Variants in CCDC7 observed in about 807,000 individuals in gnomAD.
The protein encoded by CCDC7 is coiled-coil domain-containing protein 7.
In CCDC7, 183 loss-of-function variants were observed where a neutral mutation model predicts 196.9. That is an observed-to-expected ratio of 0.93 (90% CI 0.82 to 1.05). The LOEUF (loss-of-function observed/expected upper bound fraction) is 1.05, where lower values mean the gene tolerates loss of function less well. CCDC7 is among the 50% of genes least tolerant of loss of function. The probability of loss-of-function intolerance (pLI) is 0.00; values close to 1 mark genes in which losing one functional copy is unlikely to be tolerated. For missense variants in CCDC7, 1,540 were observed against 1,482.2 expected (o/e 1.04, Z -0.64); for synonymous variants, 525 against 484.6 (o/e 1.08, Z -1.10).
At chr10:32,871,053 T>G (rs185270879) in intron 41 of CCDC7, among the ~76,000 whole-genome samples, 1 of 152,254 alleles carries the variant, frequency 6.6e-6, no homozygotes, top group East Asian at 1.9e-4. Flanking sequence ...GGTCTAAAAT[T>G]CTCTTTTTTT....
At chr10:32,703,645 G>C (rs944162198) in intron 24 of CCDC7, among the ~76,000 whole-genome samples, 3 of 151,998 alleles carry the variant, frequency 2.0e-5, no homozygotes, top group Non-Finnish European at 4.4e-5. Flanking sequence ...TTCACTTTAA[G>C]GTACACCAAT....
At chr10:32,546,838 T>C (rs1589738273) in intron 13 of CCDC7, among the ~76,000 whole-genome samples, 1 of 152,190 alleles carries the variant, frequency 6.6e-6, no homozygotes, top group African/African-American at 2.4e-5. Flanking sequence ...ATTATATGTC[T>C]TGAGAATCCT....
chr10:32,734,426 T>C (rs955686356), intron 28 of CCDC7, among the ~76,000 whole-genome samples: 3 of 151,880 alleles, frequency 2.0e-5, no homozygotes, highest in Non-Finnish European at 2.9e-5. Context: ...CAAAAAACAC[T>C]GGGGTCTACT....
intron 20 of CCDC7, among the ~76,000 whole-genome samples, chr10:32,655,878 GC>G (rs2069735261): frequency 6.6e-6 from 1 of 152,016 alleles, no homozygotes; most frequent in Non-Finnish European, 1.5e-5. Context: ...TATGTATTAG[GC>G]TTTTTGTACA....
At chr10:32,776,369 GT>G (rs5784304) in intron 28 of CCDC7, among the ~76,000 whole-genome samples, 21,123 of 149,200 alleles carry the variant, frequency 0.14, 1,767 homozygotes, top group East Asian at 0.25. Flanking sequence ...AAGAATAATG[GT>G]TTTTTTTTTA....
chr10:32,490,823 T>G (rs192394803), intron 8 of CCDC7, among the ~76,000 whole-genome samples: 6 of 152,288 alleles, frequency 3.9e-5, no homozygotes, highest in Admixed American at 3.9e-4. Flanking sequence ...GGTGTTTTAT[T>G]TTATCATTTA....
chr10:32,731,156 G>C (rs529998547), intron 28 of CCDC7, among the ~76,000 whole-genome samples: 23 of 151,906 alleles, frequency 1.5e-4, no homozygotes, highest in Non-Finnish European at 2.9e-4. Context: ...ATTTTCCTTT[G>C]AACTCTGCCT....
intron 28 of CCDC7, among the ~76,000 whole-genome samples, chr10:32,776,125 CTGTGG>C (rs1309055980): frequency 6.8e-6 from 1 of 146,208 alleles, no homozygotes; most frequent in African/African-American, 2.5e-5. Flanking sequence ...ACTCTGGGGA[CTGTGG>C]TGGGGTGGGG....
chr10:32,833,431 T>G (rs1215896030), intron 32 of CCDC7, among the ~76,000 whole-genome samples: 1 of 152,002 alleles, frequency 6.6e-6, no homozygotes, highest in Non-Finnish European at 1.5e-5. Flanking sequence ...GGGAGGATGT[T>G]ACGAAGAAGG....
At chr10:32,667,466 T>G (rs1591355546) in intron 21 of CCDC7, among the ~76,000 whole-genome samples, 1 of 152,184 alleles carries the variant, frequency 6.6e-6, no homozygotes, top group East Asian at 1.9e-4. Flanking sequence ...CTGAATGGTA[T>G]CGCCTAGATT....
chr10:32,478,633 C>A (rs2039438478), intron 8 of CCDC7, among the ~76,000 whole-genome samples: 1 of 152,008 alleles, frequency 6.6e-6, no homozygotes. Flanking sequence ...ATTGGACTAG[C>A]CTTACGTACC....
At chr10:32,552,284 C>G (rs1025647404) in intron 13 of CCDC7, among the ~76,000 whole-genome samples, 1 of 152,014 alleles carries the variant, frequency 6.6e-6, no homozygotes, top group Non-Finnish European at 1.5e-5. Context: ...TAAGTTTATG[C>G]GAGTCCTTAT....
intron 20 of CCDC7, among the ~76,000 whole-genome samples, chr10:32,649,184 G>C (rs2140110896): frequency 6.6e-6 from 1 of 152,304 alleles, no homozygotes; most frequent in South Asian, 2.1e-4. Context: ...GAGAGTGTCA[G>C]GAAGAATAGC....
At chr10:32,492,313 A>G (rs1589146094) in intron 9 of CCDC7, among the ~76,000 whole-genome samples, 1 of 152,150 alleles carries the variant, frequency 6.6e-6, no homozygotes, top group Non-Finnish European at 1.5e-5. Context: ...CAGAATTACC[A>G]TATGATCCAG....
intron 9 of CCDC7, among the ~76,000 whole-genome samples, chr10:32,500,232 GC>G (rs1338413469): frequency 1.3e-5 from 2 of 149,564 alleles, no homozygotes; most frequent in Non-Finnish European, 3.0e-5. Flanking sequence ...GGCGGGGGCT[GC>G]CCCCCGACCT....
chr10:32,814,939 G>A (rs1205580766), intron 31 of CCDC7, among the ~76,000 whole-genome samples: 1 of 152,082 alleles, frequency 6.6e-6, no homozygotes, highest in Non-Finnish European at 1.5e-5. Flanking sequence ...TCATCCGAGG[G>A]AAACTGTTTG....
intron 41 of CCDC7, among the ~76,000 whole-genome samples, chr10:32,855,115 G>C (rs1027596960): frequency 9.9e-5 from 15 of 151,938 alleles, no homozygotes; most frequent in African/African-American, 3.6e-4. Flanking sequence ...AAATAATATT[G>C]TTAAGATATC....
At chr10:32,785,016 A>G (rs2081619366) in intron 29 of CCDC7, among the ~76,000 whole-genome samples, 1 of 152,088 alleles carries the variant, frequency 6.6e-6, no homozygotes, top group African/African-American at 2.4e-5. Context: ...AGCAAAACAA[A>G]ACAAAAAAAA....
chr10:32,866,745 G>T (rs1225714426), intron 41 of CCDC7, among the ~76,000 whole-genome samples: 1 of 151,392 alleles, frequency 6.6e-6, no homozygotes, highest in Non-Finnish European at 1.5e-5. Flanking sequence ...TTAGAAAATT[G>T]CAATAGATTT....
Sources: gnomAD v4.1 joint callset for allele counts (sites outside exome capture counted in the v4.1 genomes callset) on GRCh38, gnomAD v4.1.1 for gene constraint, MANE v1.5 for transcripts, NCBI Gene and HGNC (gene_info 2026-07-23, HGNC 2026-07-21) for gene names.